Variants in SLC39A11 observed in about 807,000 individuals in gnomAD.
SLC39A11 encodes zinc transporter ZIP11.
Under a neutral mutation model 36.1 loss-of-function variants are expected in SLC39A11, and 33 were observed. The ratio of observed to expected loss-of-function variants is 0.91; its 90% CI spans 0.69 to 1.22. SLC39A11 has a LOEUF of 1.22. Among genes scored for constraint, SLC39A11 ranks in the 50% most tolerant of loss-of-function variants. The pLI is 0.00. For missense variants in SLC39A11, 432 were observed against 430.3 expected, an observed-to-expected ratio of 1.00 and a Z score of -0.03; for synonymous variants, 166 against 170.3, an observed-to-expected ratio of 0.97 and a Z score of 0.20.
chr17:72,740,511 T>G (rs1387710407), intron 6 of SLC39A11, among the ~76,000 whole-genome samples: 1 of 152,224 alleles, frequency 6.6e-6, no homozygotes, highest in Non-Finnish European at 1.5e-5. Context: ...GCTGCAGACC[T>G]CAAACTATGG....
chr17:73,032,958 C>T (rs1304193335), intron 3 of SLC39A11, among the ~76,000 whole-genome samples: 1 of 152,176 alleles, frequency 6.6e-6, no homozygotes, highest in Admixed American at 6.5e-5. Flanking sequence ...GTCCTACAGG[C>T]CAGCGGTCCC....
intron 6 of SLC39A11, among the ~76,000 whole-genome samples, chr17:72,840,401 C>A (rs1257457319): frequency 6.6e-6 from 1 of 152,214 alleles, no homozygotes; most frequent in African/African-American, 2.4e-5. Context: ...CAAGAGTCTG[C>A]CAATGTATCA....
At chr17:72,750,635 T>C (rs1598568888) in intron 6 of SLC39A11, among the ~76,000 whole-genome samples, 1 of 152,168 alleles carries the variant, frequency 6.6e-6, no homozygotes, top group East Asian at 1.9e-4. Context: ...CACCAAAGTA[T>C]TTCTAAAATC....
chr17:72,803,201 G>T (rs916133855), intron 6 of SLC39A11, among the ~76,000 whole-genome samples: 1 of 152,220 alleles, frequency 6.6e-6, no homozygotes, highest in Non-Finnish European at 1.5e-5. Context: ...CCCTTGTTGT[G>T]AATCTCCAGT....
At chr17:72,795,612 C>T (rs943367975) in intron 6 of SLC39A11, among the ~76,000 whole-genome samples, 5 of 152,042 alleles carry the variant, frequency 3.3e-5, no homozygotes, top group African/African-American at 9.7e-5. Flanking sequence ...GAATTAGGCT[C>T]TATTGCTCTA....
At chr17:72,834,552 G>A (rs2078434195) in intron 6 of SLC39A11, among the ~76,000 whole-genome samples, 1 of 152,080 alleles carries the variant, frequency 6.6e-6, no homozygotes, top group Admixed American at 6.6e-5. Context: ...AACCTGGGAG[G>A]CGGAGGTTGC....
chr17:72,849,804 T>G lies in SLC39A11; in HGVS notation c.431A>C (p.Asp144Ala). 1 of 1,469,668 alleles carries G rather than the reference T, an allele frequency of 6.8e-7. No individual in the cohort carries two copies. The highest frequency in any genetic ancestry group is 8.9e-7 in the Non-Finnish European group (1 of 1,125,910). The allele number at this position is 1,469,668 out of a possible 1,614,324, so 91.0% of individuals were successfully genotyped here. ...ATATGCCTCACCATTCTCACTCTTGTCTGAGCAAAAAAAAAAAAAAAGAGA... is the reference window on the plus strand; with the variant it reads ...ATATGCCTCACCATTCTCACTCTTGGCTGAGCAAAAAAAAAAAAAAAGAGA... ...FPESELSIRI[D>A]KSENGEAYQR... The change falls in exon 6 of 10, where the codon GAC becomes GCC. Residue 144 changes from aspartate to alanine, a missense_variant and splice_region_variant. Transcript: ENST00000255559.
chr17:72,912,241 C>G (rs1598390423), intron 5 of SLC39A11, among the ~76,000 whole-genome samples: 2 of 151,856 alleles, frequency 1.3e-5, no homozygotes, highest in Admixed American at 1.3e-4. Flanking sequence ...GATATGGACC[C>G]TGCAGAAGCC....
intron 6 of SLC39A11, among the ~76,000 whole-genome samples, chr17:72,801,307 G>C (rs1347908985): frequency 6.6e-6 from 1 of 152,080 alleles, no homozygotes; most frequent in African/African-American, 2.4e-5. Flanking sequence ...TGCAACCTCT[G>C]CCTCCTGGGT....
intron 6 of SLC39A11, among the ~76,000 whole-genome samples, chr17:72,760,719 C>A (rs1179414705): frequency 2.0e-5 from 3 of 152,186 alleles, no homozygotes; most frequent in African/African-American, 7.2e-5. Flanking sequence ...ATATTCACGA[C>A]CAAGGAAGTC....
chr17:72,766,769 C>T (rs145716532), intron 6 of SLC39A11, among the ~76,000 whole-genome samples: 12 of 152,314 alleles, frequency 7.9e-5, no homozygotes, highest in African/African-American at 2.6e-4. Context: ...TGGACAAGCA[C>T]TGTCATTTTT....
At chr17:72,902,210 G>C (rs547719897) in intron 5 of SLC39A11, among the ~76,000 whole-genome samples, 2 of 151,990 alleles carry the variant, frequency 1.3e-5, no homozygotes, top group Non-Finnish European at 2.9e-5. Context: ...GGTGGAGGTT[G>C]TGGTGATCCG....
chr17:72,885,400 C>T (rs1243750828), intron 5 of SLC39A11, among the ~76,000 whole-genome samples: 1 of 152,114 alleles, frequency 6.6e-6, no homozygotes, highest in Non-Finnish European at 1.5e-5. Flanking sequence ...AGGCTACGGG[C>T]TCACCTCTTG....
At chr17:72,868,618 C>CAAAAAAAAAAAAAAAAAAAAAAAAAAA (rs71354894) in intron 5 of SLC39A11, among the ~76,000 whole-genome samples, 1 of 56,462 alleles carries the variant, frequency 1.8e-5, no homozygotes, top group Non-Finnish European at 3.1e-5. Flanking sequence ...CCTGTCTCTA[C>CAAAAAAAAAAAAAAAAAAAAAAAAAAA]AAAAAAAAAA....
Position 73,012,327 on chromosome 17 carries a change from G to A in SLC39A11, c.306+19229C>T, listed in dbSNP as rs577602240. Among the ~76,000 whole-genome samples, 7 of 152,140 alleles carry A rather than the reference G, an allele frequency of 4.6e-5. No homozygotes were observed. The South Asian group carries it at 1.5e-3, about 32-fold the overall frequency. On this transcript the variant is annotated intron_variant, in intron 4 of 9. Transcript: ENST00000255559. Reference sequence around the variant, plus strand: ...ATAATTGGATTATTTGTAACATAGAGGATAAACGCTTGAGGGAATACCCCA... The same window carrying A: ...ATAATTGGATTATTTGTAACATAGAAGATAAACGCTTGAGGGAATACCCCA...
At chr17:72,996,242 G>A (rs544679918) in intron 4 of SLC39A11, among the ~76,000 whole-genome samples, 5 of 152,162 alleles carry the variant, frequency 3.3e-5, no homozygotes, top group Admixed American at 2.0e-4. Flanking sequence ...GTCTCTTACC[G>A]CAGCTGCACC....
chr17:72,934,240 C>T (rs868621444), intron 5 of SLC39A11, among the ~76,000 whole-genome samples: 5 of 152,210 alleles, frequency 3.3e-5, no homozygotes, highest in African/African-American at 1.2e-4. Flanking sequence ...GATAAATTGG[C>T]AGTTCATCAA....
At chr17:73,070,389 T>C (rs1382534732) in intron 3 of SLC39A11, among the ~76,000 whole-genome samples, 1 of 152,164 alleles carries the variant, frequency 6.6e-6, no homozygotes. Context: ...CTCCCAGGCT[T>C]CCCTCATCCA....
intron 5 of SLC39A11, among the ~76,000 whole-genome samples, chr17:72,939,198 C>A (rs868447851): frequency 6.6e-6 from 1 of 152,176 alleles, no homozygotes; most frequent in East Asian, 1.9e-4. Flanking sequence ...TGGTGGCTCA[C>A]GCCTATAATC....
Sources: allele counts gnomAD v4.1 joint callset (sites outside exome capture counted in the v4.1 genomes callset), GRCh38; gene constraint gnomAD v4.1.1; transcripts MANE v1.5; gene names NCBI Gene and HGNC (gene_info 2026-07-23, HGNC 2026-07-21).